GNA14: variants seen among roughly 807,000 people sequenced by gnomAD.
GNA14 encodes the protein G protein subunit alpha 14, also known as guanine nucleotide-binding protein subunit alpha-14.
GNA14 carries 50 observed loss-of-function variants against 42.0 expected under a neutral mutation model. That is an observed-to-expected ratio of 1.19 (90% confidence interval 0.95 to 1.51). The LOEUF (loss-of-function observed/expected upper bound fraction) is 1.51, where lower values mean the gene tolerates loss of function less well. Among genes scored for constraint, GNA14 ranks in the 40% most tolerant of loss-of-function variants. The pLI, the probability that GNA14 is intolerant of heterozygous loss-of-function variation, is 0.00. For missense variants in GNA14, 473 were observed against 446.2 expected, an observed-to-expected ratio of 1.06 and a Z score of -0.54; for synonymous variants, 173 against 163.1, an observed-to-expected ratio of 1.06 and a Z score of -0.46.
intron 1 of GNA14, among the ~76,000 whole-genome samples, chr9:77,625,155 C>A (rs1175306240): frequency 6.6e-6 from 1 of 151,580 alleles, no homozygotes; most frequent in African/African-American, 2.4e-5. Context: ...GAAAGGGTAT[C>A]AGAGATTGAA....
At chr9:77,535,468 C>T (rs1048686620) in intron 1 of GNA14, among the ~76,000 whole-genome samples, 2 of 152,040 alleles carry the variant, frequency 1.3e-5, no homozygotes, top group African/African-American at 4.8e-5. Flanking sequence ...GGCATGAACC[C>T]GGGAGGCAGA....
In GNA14 at chr9:77,559,525, A is replaced by G. The variant is rs150517886; in HGVS notation, c.125-30272T>C. On this transcript the variant is annotated intron_variant, in intron 1 of 6. Coordinates refer to ENST00000341700, the MANE Select transcript of GNA14 (RefSeq NM_004297.4). ...ATGCTCCAGGAGAAGGGCACAGCTTACCACAGGGCATGCAGAAAAGAAAGT... is the reference window on the plus strand; with the variant it reads ...ATGCTCCAGGAGAAGGGCACAGCTTGCCACAGGGCATGCAGAAAAGAAAGT... Among the ~76,000 whole-genome samples, 9 of 152,338 alleles carry G rather than the reference A, an allele frequency of 5.9e-5. No individual in the cohort carries two copies. In the East Asian group the frequency reaches 1.7e-3, roughly 29 times the overall value.
chr9:77,471,477 A>C lies in GNA14; in HGVS notation c.310-36955T>G, dbSNP rs139907002. ...AACATGACCCATTAAAGACTGGATAAAGGAAGCATGGGAGAGGAAGGTACC... is the reference window on the plus strand; with the variant it reads ...AACATGACCCATTAAAGACTGGATACAGGAAGCATGGGAGAGGAAGGTACC... On this transcript the variant is annotated intron_variant, in intron 2 of 6. Coordinates refer to ENST00000341700, the MANE Select transcript of GNA14 (RefSeq NM_004297.4). 3.3e-3 allele frequency among the ~76,000 whole-genome samples: 507 copies of C among 152,256 alleles called. 2 individuals carry two copies. The highest frequency in any genetic ancestry group is 0.012 in the African/African-American group (484 of 41,536).
At chr9:77,570,525 T>G (rs1823043913) in intron 1 of GNA14, among the ~76,000 whole-genome samples, 1 of 152,232 alleles carries the variant, frequency 6.6e-6, no homozygotes, top group Admixed American at 6.5e-5. Context: ...CTTCCTTTAT[T>G]CACATAATTT....
chr9:77,480,166 A>C (rs529445370), intron 2 of GNA14, among the ~76,000 whole-genome samples: 1 of 152,148 alleles, frequency 6.6e-6, no homozygotes, highest in African/African-American at 2.4e-5. Flanking sequence ...TTGCCCATTC[A>C]GTATGATATT....
intron 2 of GNA14, among the ~76,000 whole-genome samples, chr9:77,455,583 C>T (rs1184750630): frequency 6.6e-6 from 1 of 152,196 alleles, no homozygotes; most frequent in East Asian, 1.9e-4. Flanking sequence ...CTACCTCTTA[C>T]TTTTCCCTCG....
chr9:77,444,448 C>T (rs1264377221), intron 2 of GNA14, among the ~76,000 whole-genome samples: 1 of 152,312 alleles, frequency 6.6e-6, no homozygotes, highest in East Asian at 1.9e-4. Flanking sequence ...GTTACCTGCA[C>T]TGTCAGGATG....
chr9:77,482,039 G>A (rs1325762935), intron 2 of GNA14, among the ~76,000 whole-genome samples: 2 of 152,094 alleles, frequency 1.3e-5, no homozygotes, highest in Non-Finnish European at 2.9e-5. Flanking sequence ...GGAGCATTTA[G>A]CCCATTTACA....
intron 1 of GNA14, among the ~76,000 whole-genome samples, chr9:77,596,700 T>C (rs188926453): frequency 3.9e-5 from 6 of 152,284 alleles, no homozygotes; most frequent in Middle Eastern, 3.4e-3. Flanking sequence ...CTCTCAGCTA[T>C]AGGGAAAAGT....
chr9:77,607,623 T>G (rs765837504), intron 1 of GNA14, among the ~76,000 whole-genome samples: 10 of 152,194 alleles, frequency 6.6e-5, no homozygotes, highest in Non-Finnish European at 1.5e-4. Flanking sequence ...CTGAATGTCT[T>G]TTCATACCTA....
intron 1 of GNA14, among the ~76,000 whole-genome samples, chr9:77,537,740 T>C (rs1455255175): frequency 6.6e-6 from 1 of 152,212 alleles, no homozygotes. Flanking sequence ...TGCCAGCATG[T>C]CATTTTTTGT....
In GNA14 at chr9:77,520,256, C is replaced by G. The variant is rs139852367; in HGVS notation, c.309+8813G>C. Among the ~76,000 whole-genome samples the G allele has an allele frequency of 4.2e-3, 644 of 152,218 alleles. 3 individuals carry two copies. The highest frequency in any genetic ancestry group is 0.015 in the African/African-American group (611 of 41,536). On this transcript the variant is annotated intron_variant, in intron 2 of 6. Coordinates refer to ENST00000341700, the MANE Select transcript of GNA14 (RefSeq NM_004297.4). ...ATCCCTTGGCAGGACTCCAAAACAA[C>G]CCCAAAAGGGGAATTTATCTCTTGG... is the stretch of plus-strand genomic sequence containing the variant.
intron 2 of GNA14, among the ~76,000 whole-genome samples, chr9:77,463,229 T>C (rs1470881407): frequency 6.6e-6 from 1 of 152,188 alleles, no homozygotes; most frequent in Non-Finnish European, 1.5e-5. Context: ...CTTTGCTCTC[T>C]GGATGAGGAA....
chr9:77,517,289 CTCAT>C (rs149456688), intron 2 of GNA14, among the ~76,000 whole-genome samples: 2,658 of 151,784 alleles, frequency 0.018, 65 homozygotes, highest in African/African-American at 0.061. Flanking sequence ...GGAGGGGCCG[CTCAT>C]TCATTCATTC....
chr9:77,628,044 T>C (rs756682292), intron 1 of GNA14, among the ~76,000 whole-genome samples: 3 of 152,144 alleles, frequency 2.0e-5, no homozygotes, highest in Admixed American at 6.5e-5. Context: ...TTCAGCAAAG[T>C]CTCAGGATAC....
chr9:77,506,768 A>G (rs1371442155), intron 2 of GNA14, among the ~76,000 whole-genome samples: 1 of 152,226 alleles, frequency 6.6e-6, no homozygotes, highest in African/African-American at 2.4e-5. Context: ...ATCTTGATTC[A>G]AACCATCCAC....
At chr9:77,558,283 CAGATAGAT>C (rs150979699) in intron 1 of GNA14, among the ~76,000 whole-genome samples, 8 of 151,808 alleles carry the variant, frequency 5.3e-5, no homozygotes, top group African/African-American at 1.7e-4. Flanking sequence ...ACAGATAGAT[CAGATAGAT>C]AGATAGACAG....
chr9:77,444,518 T>C (rs1243795260), intron 2 of GNA14, among the ~76,000 whole-genome samples: 1 of 152,218 alleles, frequency 6.6e-6, no homozygotes, highest in Non-Finnish European at 1.5e-5. Flanking sequence ...TCGTGGGTTC[T>C]GCTTTGTCTT....
At chr9:77,595,861 T>C (rs1823458094) in intron 1 of GNA14, among the ~76,000 whole-genome samples, 2 of 152,112 alleles carry the variant, frequency 1.3e-5, no homozygotes, top group Admixed American at 1.3e-4. Flanking sequence ...AACAAGCACC[T>C]CTTCATGGAC....
Sources: allele counts gnomAD v4.1 joint callset (sites outside exome capture counted in the v4.1 genomes callset), GRCh38; gene constraint gnomAD v4.1.1; transcripts MANE v1.5; gene names NCBI Gene and HGNC (gene_info 2026-07-23, HGNC 2026-07-21).